The following AIG1 variants were observed in gnomAD, a reference collection of about 807,000 sequenced individuals.
AIG1 encodes androgen induced 1.
AIG1 carries 23 observed loss-of-function variants against 31.4 expected under a neutral mutation model. The ratio of observed to expected loss-of-function variants is 0.73; its 90% confidence interval spans 0.53 to 1.04. The LOEUF is 1.04. Among genes scored for constraint, AIG1 ranks in the 50% least tolerant of loss-of-function variants. The pLI is 0.00. For missense variants in AIG1, 274 were observed against 295.0 expected, an observed-to-expected ratio of 0.93 and a Z score of 0.52; for synonymous variants, 100 against 110.5, an observed-to-expected ratio of 0.90 and a Z score of 0.60.
At chr6:143,172,441 T>C (rs1179900407) in intron 3 of AIG1, among the ~76,000 whole-genome samples, 1 of 152,228 alleles carries the variant, frequency 6.6e-6, no homozygotes, top group Non-Finnish European at 1.5e-5. Context: ...GGATTATCTT[T>C]TTCACACGTT....
intron 1 of AIG1, among the ~76,000 whole-genome samples, chr6:143,129,600 C>T (rs896693014): frequency 3.9e-5 from 6 of 152,172 alleles, no homozygotes; most frequent in African/African-American, 1.4e-4. Context: ...TAGACTATTA[C>T]ATTTAGATTT....
chr6:143,215,252 C>A (rs1791939723), intron 3 of AIG1, among the ~76,000 whole-genome samples: 1 of 152,006 alleles, frequency 6.6e-6, no homozygotes, highest in Non-Finnish European at 1.5e-5. Flanking sequence ...ACATTTCCAC[C>A]CCAAAAGTGG....
chr6:143,323,430 A>G (rs1190192590), intron 4 of AIG1, among the ~76,000 whole-genome samples: 1 of 151,748 alleles, frequency 6.6e-6, no homozygotes, highest in East Asian at 2.0e-4. Flanking sequence ...TTTGATGAAT[A>G]TTAAACTATG....
chr6:143,064,707 T>C (rs922232846), intron 1 of AIG1, among the ~76,000 whole-genome samples: 2 of 152,220 alleles, frequency 1.3e-5, no homozygotes, highest in African/African-American at 4.8e-5. Context: ...ATTTTAGCTT[T>C]AACAAAAATG....
At chr6:143,154,226 G>T (rs902033383) in intron 2 of AIG1, among the ~76,000 whole-genome samples, 4 of 151,836 alleles carry the variant, frequency 2.6e-5, no homozygotes, top group African/African-American at 9.7e-5. Context: ...CATCTATAAG[G>T]CTGGATAAAA....
intron 5 of AIG1, chr6:143,335,172 A>C: frequency 7.6e-6 from 10 of 1,311,350 alleles, no homozygotes; most frequent in Non-Finnish European, 9.8e-6. Context: ...GCCTCCCCCA[A>C]CTTCTACCTA....
chr6:143,060,633 C>A, upstream of AIG1: 1 of 456,180 alleles, frequency 2.2e-6, no homozygotes, highest in Non-Finnish European at 4.5e-6. Flanking sequence ...ACCCTGCGAA[C>A]GCAGGAGCAG....
In AIG1 at chr6:143,334,800, C is replaced by T. The variant is rs1157809141; in HGVS notation, c.679+1355C>T. The stretch of plus-strand genomic sequence containing the variant: ...ATGTTATTCAGGAAGTACTTAAGTA[C>T]CTGCTTACACTTGACTTGATTGATT... On this transcript the variant is annotated intron_variant, in intron 5 of 5. Coordinates refer to ENST00000357847, the MANE Select transcript of AIG1 (RefSeq NM_016108.4). This position sits in a 1 kb window ranked among gnomAD's most constrained non-coding sequence, Gnocchi z 5.1. 6.6e-6 allele frequency among the ~76,000 whole-genome samples: 1 copy of T among 152,134 alleles called. No individual in the cohort carries two copies. The highest frequency in any genetic ancestry group is 6.5e-5 in the Admixed American group (1 of 15,284).
rs935093909 is a variant in AIG1, at chr6:143,256,604, C to T, written c.400-27506C>T. Among the ~76,000 whole-genome samples the T allele has an allele frequency of 6.6e-6, 1 of 152,154 alleles. No individual in the cohort carries two copies. The highest frequency in any genetic ancestry group is 6.5e-5 in the Admixed American group (1 of 15,276). On this transcript the variant is annotated intron_variant, in intron 3 of 5. Transcript: ENST00000357847. This position sits in a 1 kb window ranked among gnomAD's most constrained non-coding sequence, Gnocchi z 4.6. ...GGACATCGAGCAGATAAAAATGGAA[C>T]CGTTACAGCTGAAATAGGGTGGGAA...
intron 1 of AIG1, among the ~76,000 whole-genome samples, chr6:143,073,193 G>T (rs1368101303): frequency 6.6e-6 from 1 of 152,084 alleles, no homozygotes; most frequent in Non-Finnish European, 1.5e-5. Context: ...CATTCATGTT[G>T]TGACAAATGG....
intron 2 of AIG1, among the ~76,000 whole-genome samples, chr6:143,147,075 C>T (rs1275665639): frequency 1.3e-5 from 2 of 152,128 alleles, no homozygotes; most frequent in Admixed American, 6.5e-5. Context: ...AGAAGTTTCC[C>T]ACCAGAGAAT....
intron 1 of AIG1, among the ~76,000 whole-genome samples, chr6:143,088,625 G>GT (rs1192552682): frequency 6.6e-6 from 1 of 152,172 alleles, no homozygotes; most frequent in Non-Finnish European, 1.5e-5. Flanking sequence ...CCTTCAGAGG[G>GT]TGTGTGAACA....
Position 143,325,285 on chromosome 6 carries a change from C to G in AIG1, c.516-7997C>G, listed in dbSNP as rs1370370483. Among the ~76,000 whole-genome samples the G allele has an allele frequency of 6.6e-6, 1 of 151,422 alleles. No individual in the cohort carries two copies. Among genetic ancestry groups the G allele is most frequent in the East Asian group, 1.9e-4 (1 of 5,198 alleles). ...TTATCCCTTAAATCTTAACCTTTTC[C>G]AAGGCCCTTTCATGGGCCCACTTCC... is the stretch of plus-strand genomic sequence containing the variant. On this transcript the variant is annotated intron_variant, in intron 4 of 5. Coordinates refer to ENST00000357847, the MANE Select transcript of AIG1 (RefSeq NM_016108.4). This position sits in a 1 kb window ranked among gnomAD's most constrained non-coding sequence, Gnocchi z 4.3.
At chr6:143,341,306 C>T (rs1777845979), downstream of AIG1, among the ~76,000 whole-genome samples, 1 of 152,144 alleles carries the variant, frequency 6.6e-6, no homozygotes, top group Non-Finnish European at 1.5e-5. Flanking sequence ...CTTGAAGGAT[C>T]CAGAGTTGGT....
At chr6:143,246,117 G>A (rs901516411) in intron 3 of AIG1, among the ~76,000 whole-genome samples, 3 of 152,168 alleles carry the variant, frequency 2.0e-5, no homozygotes, top group African/African-American at 7.2e-5. Context: ...GACAAGCTTG[G>A]TTTAGGGCCT....
intron 1 of AIG1, among the ~76,000 whole-genome samples, chr6:143,073,145 G>T (rs1405591599): frequency 6.6e-6 from 1 of 151,982 alleles, no homozygotes; most frequent in Non-Finnish European, 1.5e-5. Flanking sequence ...TTCTTTCTCT[G>T]TCTGGCTTAT....
chr6:143,275,210 G>A (rs1357233181), intron 3 of AIG1, among the ~76,000 whole-genome samples: 1 of 152,138 alleles, frequency 6.6e-6, no homozygotes, highest in African/African-American at 2.4e-5. Flanking sequence ...GAAGAGGTGT[G>A]AGGCTGAGGA....
intron 3 of AIG1, among the ~76,000 whole-genome samples, chr6:143,277,752 C>T (rs1453162943): frequency 2.6e-5 from 4 of 152,180 alleles, no homozygotes; most frequent in Admixed American, 1.3e-4. Flanking sequence ...GAGGAAAAAA[C>T]GATTCTTGCC....
At chr6:143,195,769 C>T (rs755154824) in intron 3 of AIG1, among the ~76,000 whole-genome samples, 10 of 150,926 alleles carry the variant, frequency 6.6e-5, no homozygotes, top group East Asian at 1.9e-4. Context: ...CCTGGGCACA[C>T]GGAGGTCTGA....
Sources: allele counts gnomAD v4.1 joint callset (sites outside exome capture counted in the v4.1 genomes callset), GRCh38; gene constraint gnomAD v4.1.1; non-coding constraint Gnocchi (gnomAD v3.1); transcripts MANE v1.5; gene names NCBI Gene and HGNC (gene_info 2026-07-23, HGNC 2026-07-21).